MAST4: variants seen among roughly 807,000 people sequenced by gnomAD.
MAST4 encodes the protein microtubule-associated serine/threonine-protein kinase 4.
A neutral mutation model predicts 162.7 loss-of-function variants in MAST4; 89 were observed. The observed-to-expected ratio is 0.55, with a 90% confidence interval of 0.46 to 0.65. The LOEUF (loss-of-function observed/expected upper bound fraction) is 0.65. MAST4 is among the 30% of genes least tolerant of loss of function. The pLI is 0.00. For synonymous variants in MAST4, 1,479 were observed against 1,361.1 expected, an observed-to-expected ratio of 1.09 and a Z score of -1.91; for missense variants, 3,153 against 3,374.0, an observed-to-expected ratio of 0.93 and a Z score of 1.62.
rs1766604655 is a variant in MAST4, at chr5:67,114,212, C to A, written c.1584C>A (p.Pro528=). 1 of 1,610,406 alleles carries A rather than the reference C, an allele frequency of 6.2e-7. No homozygotes were observed. Among genetic ancestry groups the A allele is most frequent in the Non-Finnish European group, 8.5e-7 (1 of 1,178,730 alleles). ...IISQLGLNKD[P]LEEMAHLGNY... is the part of the protein sequence containing the mutation. ...GCCAACTGGGACTCAATAAGGATCC[C>A]TTGGAAGGTGAGTCCCTGGGTTGTT... Residue 528 remains proline (P), a synonymous_variant, in exon 12 of 29, where the codon CCC becomes CCA. Coordinates refer to ENST00000403625, the MANE Select transcript of MAST4 (RefSeq NM_001164664.2).
At chr5:67,039,195 A>G (rs1756414819) in intron 4 of MAST4, among the ~76,000 whole-genome samples, 1 of 152,140 alleles carries the variant, frequency 6.6e-6, no homozygotes, top group African/African-American at 2.4e-5. Flanking sequence ...GTTCATGTTT[A>G]TTTCTTTCAT....
rs557350216 is a variant in MAST4 at position 67,162,619 on chromosome 5, T to C, written c.3798T>C (p.Leu1266=). 1.2e-6 allele frequency: 2 copies of C among 1,613,530 alleles called. No individual in the cohort carries two copies. Among genetic ancestry groups the C allele is most frequent in the African/African-American group, 1.3e-5 (1 of 75,008 alleles). ...KKESLERRRS[L]FKKLAKQPSP... is the part of the protein sequence containing the mutation. ...TGTTTTTCTGTAGGAGGAGATCTCT[T>C]TTCAAAAAGCTAGCCAAGCAGCCTT... Residue 1266 remains leucine, a synonymous_variant, in exon 28 of 29, where the codon CTT becomes CTC. Coordinates refer to ENST00000403625, the MANE Select transcript of MAST4 (RefSeq NM_001164664.2).
intron 11 of MAST4, among the ~76,000 whole-genome samples, chr5:67,111,215 C>T (rs1766194930): frequency 6.6e-6 from 1 of 152,084 alleles, no homozygotes; most frequent in Non-Finnish European, 1.5e-5. Flanking sequence ...TAAAGTTCCA[C>T]TGGTTATTAA....
intron 4 of MAST4, among the ~76,000 whole-genome samples, chr5:66,923,666 G>T (rs1168899695): frequency 6.6e-6 from 1 of 152,106 alleles, no homozygotes. Context: ...CTTCTTCTCA[G>T]TATAGTCTAA....
At chr5:66,940,371 G>A (rs931647926) in intron 4 of MAST4, among the ~76,000 whole-genome samples, 1 of 152,030 alleles carries the variant, frequency 6.6e-6, no homozygotes, top group African/African-American at 2.4e-5. Context: ...AATGCTATTT[G>A]GTAGCATTTT....
intron 3 of MAST4, among the ~76,000 whole-genome samples, chr5:66,790,361 A>C (rs901574135): frequency 6.6e-6 from 1 of 152,148 alleles, no homozygotes; most frequent in African/African-American, 2.4e-5. Context: ...AAGAGGCATT[A>C]AACAGTCTAT....
chr5:66,905,879 AG>A (rs1230539743), intron 4 of MAST4, among the ~76,000 whole-genome samples: 1 of 152,178 alleles, frequency 6.6e-6, no homozygotes, highest in Non-Finnish European at 1.5e-5. Flanking sequence ...TATGGAAACT[AG>A]GGTTCTTATT....
At chr5:66,951,111 AT>A (rs1744628162) in intron 4 of MAST4, among the ~76,000 whole-genome samples, 1 of 152,210 alleles carries the variant, frequency 6.6e-6, no homozygotes, top group Non-Finnish European at 1.5e-5. Flanking sequence ...ATTAGAGGGC[AT>A]TTAAAAATTA....
chr5:66,719,302 G>GT (rs941977896), intron 1 of MAST4, among the ~76,000 whole-genome samples: 23 of 152,058 alleles, frequency 1.5e-4, no homozygotes, highest in African/African-American at 5.1e-4. Context: ...ATATAAACTA[G>GT]TTTTTTTTCC....
At chr5:66,915,509 A>C (rs1003428874) in intron 4 of MAST4, among the ~76,000 whole-genome samples, 5 of 152,234 alleles carry the variant, frequency 3.3e-5, no homozygotes, top group Admixed American at 1.3e-4. Context: ...AATTGGAAGA[A>C]AATTTTAGCA....
chr5:66,972,636 A>G (rs1239480454), intron 4 of MAST4, among the ~76,000 whole-genome samples: 1 of 152,144 alleles, frequency 6.6e-6, no homozygotes, highest in African/African-American at 2.4e-5. Context: ...ATCCCACCTT[A>G]GTCTGAGCCG....
intron 7 of MAST4, among the ~76,000 whole-genome samples, chr5:67,099,542 G>A (rs1764804671): frequency 6.6e-6 from 1 of 152,030 alleles, no homozygotes; most frequent in Non-Finnish European, 1.5e-5. Flanking sequence ...AAAATAAGTA[G>A]TATCTTTCAA....
chr5:66,941,575 C>T (rs1458646596), intron 4 of MAST4, among the ~76,000 whole-genome samples: 1 of 152,240 alleles, frequency 6.6e-6, no homozygotes, highest in East Asian at 1.9e-4. Context: ...ACCACCAAAA[C>T]TTTCTTCATA....
At chr5:66,838,452 G>A (rs1758185194) in intron 3 of MAST4, among the ~76,000 whole-genome samples, 1 of 152,136 alleles carries the variant, frequency 6.6e-6, no homozygotes, top group Non-Finnish European at 1.5e-5. Context: ...TGTGTGCTGT[G>A]TCTTAAACTT....
intron 1 of MAST4, among the ~76,000 whole-genome samples, chr5:66,734,524 G>T (rs1752047141): frequency 6.6e-6 from 1 of 152,176 alleles, no homozygotes; most frequent in Non-Finnish European, 1.5e-5. Flanking sequence ...AGCCGAAAAT[G>T]ATGTATCTGT....
intron 1 of MAST4, among the ~76,000 whole-genome samples, chr5:66,725,294 C>G (rs1230013836): frequency 6.6e-6 from 1 of 152,056 alleles, no homozygotes; most frequent in East Asian, 1.9e-4. Flanking sequence ...GAGATTTAAA[C>G]TTAAAGAACA....
intron 5 of MAST4, among the ~76,000 whole-genome samples, chr5:67,087,879 T>C (rs982723864): frequency 6.6e-6 from 1 of 152,236 alleles, no homozygotes; most frequent in Non-Finnish European, 1.5e-5. Flanking sequence ...AGTTAGGTTT[T>C]ACAGCAGTGT....
chr5:66,634,790 G>C (rs1208419000), intron 1 of MAST4, among the ~76,000 whole-genome samples: 1 of 152,228 alleles, frequency 6.6e-6, no homozygotes, highest in African/African-American at 2.4e-5. Flanking sequence ...CCAAGGTAGG[G>C]CTTGAGTGGT....
intron 26 of MAST4, among the ~76,000 whole-genome samples, chr5:67,154,962 G>GT (rs1284248275): frequency 1.3e-5 from 2 of 152,222 alleles, no homozygotes; most frequent in Non-Finnish European, 2.9e-5. Flanking sequence ...GAAGTTGGCT[G>GT]TATTATGGTA....
Sources: gnomAD v4.1 joint callset for allele counts (sites outside exome capture counted in the v4.1 genomes callset) on GRCh38, gnomAD v4.1.1 for gene constraint, MANE v1.5 for transcripts, NCBI Gene and HGNC (gene_info 2026-07-23, HGNC 2026-07-21) for gene names.